The following NSD2 variants were observed in gnomAD, a reference collection of about 807,000 sequenced individuals.
NSD2 encodes nuclear receptor binding SET domain protein 2, also known as histone-lysine N-methyltransferase NSD2.
Under a neutral mutation model 139.0 loss-of-function variants are expected in NSD2, and 12 were observed. The observed-to-expected ratio is 0.09, with a 90% CI of 0.06 to 0.14. The LOEUF is 0.14. Ranked by LOEUF, NSD2 falls within the 10% of genes least tolerant of loss-of-function variation. The pLI is 1.00. For synonymous variants in NSD2, 669 were observed against 648.7 expected (o/e 1.03, Z -0.48); for missense variants, 1,155 against 1,745.0 (o/e 0.66, Z 6.02).
chr4:1,929,502 CA>C (rs1311907359), intron 5 of NSD2, among the ~76,000 whole-genome samples: 4 of 152,198 alleles, frequency 2.6e-5, no homozygotes, highest in Non-Finnish European at 5.9e-5. Flanking sequence ...GGTGCCGAGC[CA>C]GTCAGCAGAC....
At position 1,955,594 on chromosome 4, in the gene NSD2, A is replaced by C; in HGVS notation, c.2519-99A>C. 3 of 1,406,442 alleles carry C rather than the reference A, an allele frequency of 2.1e-6. No homozygotes were observed. Among genetic ancestry groups the C allele is most frequent in the Non-Finnish European group, 2.8e-6 (3 of 1,063,130 alleles). 87.1% of individuals were successfully genotyped at this position (1,406,442 alleles called of 1,614,324 possible). On this transcript the variant is annotated intron_variant, in intron 13 of 21. Coordinates refer to ENST00000508803, the MANE Select transcript of NSD2 (RefSeq NM_001042424.3). This position sits in a 1 kb window ranked among gnomAD's most constrained non-coding sequence, Gnocchi z 4.7. ...GATCGCTGTTTTAAAACTGATGTTT[A>C]TAAGTTAAGGCTGTAATAAGTGTAG...
At chr4:1,877,650 T>C (rs1450233340) in intron 1 of NSD2, among the ~76,000 whole-genome samples, 1 of 152,168 alleles carries the variant, frequency 6.6e-6, no homozygotes, top group Non-Finnish European at 1.5e-5. Flanking sequence ...GAGGCTCTTG[T>C]CTTTTCCATC....
In NSD2 at chr4:1,878,330, A is replaced by G. The variant is rs570071366; in HGVS notation, c.-30+6788A>G. On this transcript the variant is annotated intron_variant, in intron 1 of 21. Transcript: ENST00000508803. ...GCCATGTTGGCCAGGCTGGTCTCGAACTCCTGACCTCAAGTGATCTGCCTG... is the reference window on the plus strand; with the variant it reads ...GCCATGTTGGCCAGGCTGGTCTCGAGCTCCTGACCTCAAGTGATCTGCCTG... Among the ~76,000 whole-genome samples the G allele has an allele frequency of 3.0e-5, 4 of 131,520 alleles. No homozygotes were observed. In the South Asian group the frequency reaches 9.8e-4, roughly 32 times the overall value. 86.3% of individuals were successfully genotyped at this position (131,520 alleles called of 152,430 possible).
intron 6 of NSD2, among the ~76,000 whole-genome samples, chr4:1,934,510 A>T (rs1427405160): frequency 6.6e-6 from 1 of 151,588 alleles, no homozygotes; most frequent in East Asian, 1.9e-4. Context: ...AAATAAATAG[A>T]TAAAATACTG....
At chr4:1,883,049 G>C (rs1022877308) in intron 1 of NSD2, among the ~76,000 whole-genome samples, 1 of 152,118 alleles carries the variant, frequency 6.6e-6, no homozygotes, top group African/African-American at 2.4e-5. Flanking sequence ...AGCTAGGAAG[G>C]CCTCTGGAGT....
chr4:1,931,912 C>T (rs548805744), intron 6 of NSD2, among the ~76,000 whole-genome samples: 1 of 152,180 alleles, frequency 6.6e-6, no homozygotes, highest in African/African-American at 2.4e-5. Flanking sequence ...GCCAGCTCTT[C>T]CTGAAGCCAG....
Position 1,900,843 on chromosome 4 carries a change from G to A in NSD2, c.189G>A (p.Gln63=). ...LSSSLQEGVM[Q]KFNGHDALPF... ...GTAGCCTGCAGGAGGGGGTCATGCA[G>A]AAGTTTAACGGCCACGACGCCCTGC... Residue 63 remains glutamine, a synonymous_variant, in exon 2 of 22, where the codon CAG becomes CAA. Coordinates refer to ENST00000508803, the MANE Select transcript of NSD2 (RefSeq NM_001042424.3). 3 of 1,613,788 alleles carry A rather than the reference G, an allele frequency of 1.9e-6. No individual in the cohort carries two copies. Among genetic ancestry groups the A allele is most frequent in the Non-Finnish European group, 2.5e-6 (3 of 1,179,866 alleles).
At chr4:1,954,970 A>T (rs1180793249) in intron 12 of NSD2, among the ~76,000 whole-genome samples, 191 bp from the exon 13 acceptor site, 1 of 152,170 alleles carries the variant, frequency 6.6e-6, no homozygotes, top group African/African-American at 2.4e-5. Flanking sequence ...GGCATTTTAG[A>T]TGTATGACCA....
In NSD2 at chr4:1,979,679, G is replaced by A. The variant is rs1455428807; in HGVS notation, c.*770G>A. The A allele has an allele frequency of 4.3e-6, 1 of 232,230 alleles. No individual in the cohort carries two copies. Among genetic ancestry groups the A allele is most frequent in the Non-Finnish European group, 8.5e-6 (1 of 117,496 alleles). The allele number at this position is 232,230 out of a possible 1,614,324, so 14.4% of individuals were successfully genotyped here. On this transcript the variant is annotated 3_prime_UTR_variant, in exon 22 of 22. Transcript: ENST00000508803. ...TCACCTGGGCCTATCTTCTGAACTC[G>A]CTAGGTTCTTATCAACATTTGGGGG... is the stretch of plus-strand genomic sequence containing the variant.
At chr4:1,904,499 C>T in intron 3 of NSD2, 121 bp downstream of exon 3, 1 of 1,087,976 alleles carries the variant, frequency 9.2e-7, no homozygotes, top group South Asian at 1.7e-5. Flanking sequence ...GCAGCTTTAC[C>T]TAAAGTTAGT....
At chr4:1,885,380 C>T (rs1233596995) in intron 1 of NSD2, among the ~76,000 whole-genome samples, 1 of 152,158 alleles carries the variant, frequency 6.6e-6, no homozygotes, top group Non-Finnish European at 1.5e-5. Context: ...TCTGCTGATT[C>T]AGAAAAAATA....
At chr4:1,880,059 C>A (rs905253003) in intron 1 of NSD2, among the ~76,000 whole-genome samples, 1 of 152,036 alleles carries the variant, frequency 6.6e-6, no homozygotes. Flanking sequence ...TTCTGTTTTC[C>A]TAATGATTTT....
rs765535552 is a variant in NSD2 at position 1,907,615 on chromosome 4, CTTTTTTTT to C, written c.760+3253_760+3260del. On this transcript the variant is annotated intron_variant, in intron 3 of 21. Transcript: ENST00000508803. ...ACATCTTGTTCTACCTGTTGAATCT[CTTTTTTTT>C]TTTTTTTTTTTTTTTGTGACACAGT... 3.0e-4 allele frequency among the ~76,000 whole-genome samples: 28 copies of C among 93,654 alleles called. No individual in the cohort carries two copies. The South Asian group carries it at 3.6e-3, about 12-fold the overall frequency. 61.4% of individuals were successfully genotyped at this position (93,654 alleles called of 152,430 possible).
intron 3 of NSD2, among the ~76,000 whole-genome samples, chr4:1,911,566 C>A (rs1256907607): frequency 4.2e-5 from 5 of 119,388 alleles, no homozygotes; most frequent in African/African-American, 1.6e-4. Context: ...CCAGCCTGGG[C>A]GACAGAGCGA....
intron 12 of NSD2, among the ~76,000 whole-genome samples, chr4:1,954,913 G>T (rs1724644288): frequency 6.6e-6 from 1 of 152,168 alleles, no homozygotes; most frequent in Non-Finnish European, 1.5e-5. Context: ...GCCCAGGTCG[G>T]CTGCCCACGT....
In NSD2 at chr4:1,968,220, T is replaced by G. The variant is rs78968817; in HGVS notation, c.3373-6643T>G. Among the ~76,000 whole-genome samples the G allele has an allele frequency of 6.2e-3, 949 of 152,342 alleles. 9 individuals are homozygous for G. Among genetic ancestry groups the G allele is most frequent in the African/African-American group, 0.021 (887 of 41,572 alleles). On this transcript the variant is annotated intron_variant, in intron 18 of 21. Transcript: ENST00000508803. ...AAGAAGAACATTGAATGTCAGAAGT[T>G]AAATGTGAGATCCAAGAAGTAACAG...
chr4:1,915,497 T>C (rs1719267391), intron 3 of NSD2, among the ~76,000 whole-genome samples: 1 of 152,208 alleles, frequency 6.6e-6, no homozygotes, highest in Admixed American at 6.5e-5. Context: ...ACACAGGGTT[T>C]CTCTGTTGGG....
intron 11 of NSD2, chr4:1,952,887 C>G (rs866868422): frequency 3.3e-5 from 46 of 1,374,458 alleles, no homozygotes; most frequent in Middle Eastern, 2.7e-4. Context: ...AGGAAGACAC[C>G]TGGAGAGTCT....
chr4:1,932,019 G>A (rs534249086), intron 6 of NSD2, among the ~76,000 whole-genome samples: 2 of 152,316 alleles, frequency 1.3e-5, no homozygotes, highest in Admixed American at 1.3e-4. Context: ...TCTGCCCACA[G>A]TGTGTGTCAG....
Sources: allele counts gnomAD v4.1 joint callset (sites outside exome capture counted in the v4.1 genomes callset), GRCh38; gene constraint gnomAD v4.1.1; non-coding constraint Gnocchi (gnomAD v3.1); transcripts MANE v1.5; gene names NCBI Gene and HGNC (gene_info 2026-07-23, HGNC 2026-07-21).